NCOR1: variants seen among roughly 807,000 people sequenced by gnomAD.
NCOR1 encodes nuclear receptor corepressor 1.
Under a neutral mutation model 288.1 loss-of-function variants are expected in NCOR1, and 63 were observed. The ratio of observed to expected loss-of-function variants is 0.22; its 90% CI spans 0.18 to 0.27. The LOEUF (loss-of-function observed/expected upper bound fraction) is 0.27. NCOR1 is among the 10% of genes least tolerant of loss of function. The probability of loss-of-function intolerance (pLI) is 1.00; values close to 1 mark genes in which losing one functional copy is unlikely to be tolerated. For missense variants in NCOR1, 2,397 were observed against 3,019.2 expected (o/e 0.79, Z 4.83); for synonymous variants, 1,007 against 1,065.9 (o/e 0.94, Z 1.08).
intron 40 of NCOR1, among the ~76,000 whole-genome samples, chr17:16,050,379 C>T (rs1002491759): frequency 5.3e-5 from 8 of 152,096 alleles, no homozygotes; most frequent in East Asian, 1.9e-4. Context: ...GCCACCACCA[C>T]ACTTGGCTGA....
intron 21 of NCOR1, among the ~76,000 whole-genome samples, chr17:16,096,079 G>A (rs1390771106): frequency 6.6e-6 from 1 of 152,114 alleles, no homozygotes; most frequent in Non-Finnish European, 1.5e-5. Context: ...GGGTTAAATG[G>A]ATTAAGGGTG....
At position 16,101,350 on chromosome 17, in the gene NCOR1, G is replaced by C. The variant is rs774628806; in HGVS notation, c.2590C>G (p.Gln864Glu). The C allele has an allele frequency of 6.2e-7, 1 of 1,614,124 alleles. No homozygotes were observed. Among genetic ancestry groups the C allele is most frequent in the South Asian group, 1.1e-5 (1 of 91,084 alleles). Residue 864 changes from glutamine (Q) to glutamate (E), a missense_variant, in exon 20 of 46, where the codon CAG (glutamine) becomes GAG (glutamate). Physicochemically the swap from Gln to Glu is conservative, Grantham distance 29. This residue lies in a region of NCOR1 where 1,872 missense variants were observed against 2,187.8 expected (regional missense o/e 0.86). Transcript: ENST00000268712. Reference sequence around the variant, plus strand: ...TCGGGCCTTTGGGCATTTATTTGCTGAGCTACCACCAAATCTTCATCTCTA... The same window carrying C: ...TCGGGCCTTTGGGCATTTATTTGCTCAGCTACCACCAAATCTTCATCTCTA... ...EPRDEDLVVA[Q>E]QINAQRPEPQ...
At chr17:16,051,931 AAAAT>A (rs1048495655) in intron 40 of NCOR1, among the ~76,000 whole-genome samples, 5 of 152,084 alleles carry the variant, frequency 3.3e-5, no homozygotes, top group African/African-American at 1.2e-4. Flanking sequence ...ATAAATAAAT[AAAAT>A]AAACAAAACG....
chr17:16,100,061 C>G (rs2067319642), intron 20 of NCOR1, among the ~76,000 whole-genome samples: 1 of 151,932 alleles, frequency 6.6e-6, no homozygotes, highest in South Asian at 2.1e-4. Context: ...AGTAGCTTGT[C>G]TCTTTATTCT....
At chr17:16,162,537 C>T (rs1357867063) in intron 5 of NCOR1, among the ~76,000 whole-genome samples, 3 of 149,444 alleles carry the variant, frequency 2.0e-5, no homozygotes, top group Non-Finnish European at 4.4e-5. Context: ...ATACTGAAAA[C>T]AACCTGAGAG....
At chr17:16,179,208 G>A (rs942233313) in intron 3 of NCOR1, among the ~76,000 whole-genome samples, 2 of 151,876 alleles carry the variant, frequency 1.3e-5, no homozygotes, top group African/African-American at 4.8e-5. Context: ...GCTGAAATCA[G>A]AAAGGAAATT....
At chr17:16,101,020 A>G (rs2067524275) in intron 20 of NCOR1, among the ~76,000 whole-genome samples, 1 of 152,228 alleles carries the variant, frequency 6.6e-6, no homozygotes, top group Non-Finnish European at 1.5e-5. Context: ...TACAGAATAC[A>G]CGTAACAAGA....
At chr17:16,167,462 A>T (rs186912750) in intron 4 of NCOR1, among the ~76,000 whole-genome samples, 9 of 152,264 alleles carry the variant, frequency 5.9e-5, no homozygotes, top group South Asian at 2.1e-4. Flanking sequence ...AGTTAAAAAA[A>T]AATAATAATA....
At chr17:16,151,615 C>T in intron 8 of NCOR1, 4 of 1,354,662 alleles carry the variant, frequency 3.0e-6, no homozygotes, top group Non-Finnish European at 3.9e-6. Context: ...GCAGGTACTC[C>T]ACTGAAAAAA....
Position 16,046,933 on chromosome 17 carries a change from G to A in NCOR1, c.6679+18C>T, listed in dbSNP as rs371662981. Reference sequence around the variant, plus strand: ...AATGCATGTTTTATTTGGGGTTCATGAAAGAAATCCCACTTACCCATATCA... The same window carrying A: ...AATGCATGTTTTATTTGGGGTTCATAAAAGAAATCCCACTTACCCATATCA... On this transcript the variant is annotated intron_variant, in intron 42 of 45. Coordinates refer to ENST00000268712, the MANE Select transcript of NCOR1 (RefSeq NM_006311.4). The A allele has an allele frequency of 6.2e-6, 10 of 1,611,384 alleles. No individual in the cohort carries two copies. The highest frequency in any genetic ancestry group is 5.9e-6 in the Non-Finnish European group (7 of 1,179,048).
At chr17:16,078,580 CTT>C (rs11299070) in intron 26 of NCOR1, among the ~76,000 whole-genome samples, 67 of 148,170 alleles carry the variant, frequency 4.5e-4, no homozygotes, top group South Asian at 2.1e-3. Flanking sequence ...TAAATGGAGA[CTT>C]TTTTTTTTTT....
intron 4 of NCOR1, among the ~76,000 whole-genome samples, chr17:16,169,934 A>G (rs2082800236): frequency 6.6e-6 from 1 of 152,210 alleles, no homozygotes; most frequent in South Asian, 2.1e-4. Flanking sequence ...GTGGGTCACA[A>G]AACACCTAGA....
Position 16,034,959 on chromosome 17 carries a change from C to G in NCOR1, c.6956-15G>C, listed in dbSNP as rs1310557848. The G allele has an allele frequency of 6.2e-7, 1 of 1,612,150 alleles. No individual in the cohort carries two copies. On this transcript the variant is annotated splice_polypyrimidine_tract_variant and intron_variant, in intron 44 of 45. Transcript: ENST00000268712. ...GCAAACTCCTCCTGAAAGTGAAATT[C>G]AAGTTAAAGTATTAATATATTAAGT...
intron 3 of NCOR1, among the ~76,000 whole-genome samples, chr17:16,174,045 G>C (rs2083614032): frequency 6.6e-6 from 1 of 152,216 alleles, no homozygotes; most frequent in East Asian, 1.9e-4. Context: ...ATTGCTCGAA[G>C]AAATAAAAGA....
chr17:16,119,498 G>C lies in NCOR1; in HGVS notation c.1853-13C>G, dbSNP rs2153136706. On this transcript the variant is annotated splice_polypyrimidine_tract_variant and intron_variant, in intron 16 of 45. Coordinates refer to ENST00000268712, the MANE Select transcript of NCOR1 (RefSeq NM_006311.4). ...GGCTCTGTAGAAACTAAAATAAAGA[G>C]AGAACCCAATCAGGCAGAGAAAAAC... is the stretch of plus-strand genomic sequence containing the variant. 1.3e-6 allele frequency: 2 copies of C among 1,575,970 alleles called. No individual in the cohort carries two copies. Among genetic ancestry groups the C allele is most frequent in the Non-Finnish European group, 1.7e-6 (2 of 1,157,516 alleles).
In NCOR1 at chr17:16,110,485, T is replaced by G. The variant is rs371996829; in HGVS notation, c.2056-1573A>C. On this transcript the variant is annotated intron_variant, in intron 18 of 45. Transcript: ENST00000268712. ...TACTGGGGTCGCATATACGTAAGAG[T>G]ACATGTGTACACATTTAACTATAAG... Among the ~76,000 whole-genome samples the G allele has an allele frequency of 9.2e-5, 14 of 152,266 alleles. 1 individual carries two copies. In the South Asian group the frequency reaches 2.9e-3, roughly 32 times the overall value.
At chr17:16,160,446 A>C (rs562048539) in intron 5 of NCOR1, among the ~76,000 whole-genome samples, 13 of 152,160 alleles carry the variant, frequency 8.5e-5, no homozygotes, top group Non-Finnish European at 1.8e-4. Context: ...GTAAAGACAA[A>C]TTAAGGTTAA....
chr17:16,063,169 ATTTT>A (rs975572584), intron 35 of NCOR1, among the ~76,000 whole-genome samples: 3 of 152,000 alleles, frequency 2.0e-5, no homozygotes, highest in African/African-American at 7.3e-5. Flanking sequence ...ATGAATATTT[ATTTT>A]TTTAATTAAA....
chr17:16,046,975 A>G lies in NCOR1; in HGVS notation c.6655T>C (p.Ser2219Pro). 1 of 1,614,098 alleles carries G rather than the reference A, an allele frequency of 6.2e-7. No homozygotes were observed. Among genetic ancestry groups the G allele is most frequent in the Non-Finnish European group, 8.5e-7 (1 of 1,179,974 alleles). The change falls in exon 42 of 46, where the codon TCT (serine) becomes CCT (proline). Residue 2219 changes from serine to proline, a missense_variant. Physicochemically the swap from Ser to Pro is moderately conservative, Grantham distance 74. Transcript: ENST00000268712. ...CCCATATCAGAGTCACCTCCACCAG[A>G]GGAGTTCAACTTACGAAAAATCTCC... is the stretch of plus-strand genomic sequence containing the variant. The part of the protein sequence containing the change: ...KQEIFRKLNS[S>P]GGGDSDMAAA...
Sources: gnomAD v4.1 joint callset for allele counts (sites outside exome capture counted in the v4.1 genomes callset) on GRCh38, gnomAD v4.1.1 for gene constraint, gnomAD v4.1.1 regional missense constraint, MANE v1.5 for transcripts, NCBI Gene and HGNC (gene_info 2026-07-23, HGNC 2026-07-21) for gene names.